The following PDE4B variants were observed in gnomAD, a reference collection of about 807,000 sequenced individuals.
PDE4B encodes 3',5'-cyclic-AMP phosphodiesterase 4B.
PDE4B carries 20 observed loss-of-function variants against 82.2 expected under a neutral mutation model. The ratio of observed to expected loss-of-function variants is 0.24; its 90% CI spans 0.17 to 0.35. The LOEUF is 0.35. Among genes scored for constraint, PDE4B ranks in the 10% least tolerant of loss-of-function variants. The pLI is 1.00. For missense variants in PDE4B, 655 were observed against 907.2 expected, an observed-to-expected ratio of 0.72 and a Z score of 3.57; for synonymous variants, 320 against 318.9, an observed-to-expected ratio of 1.00 and a Z score of -0.04.
At chr1:66,359,998 G>A (rs756982939) in intron 9 of PDE4B, among the ~76,000 whole-genome samples, 2 of 152,152 alleles carry the variant, frequency 1.3e-5, no homozygotes, top group African/African-American at 2.4e-5. Flanking sequence ...TCTGAAAAAT[G>A]AGAGTGTGGG....
At chr1:66,286,514 C>T (rs1051926561) in intron 7 of PDE4B, among the ~76,000 whole-genome samples, 14 of 152,040 alleles carry the variant, frequency 9.2e-5, no homozygotes, top group Non-Finnish European at 1.5e-4. Context: ...TTAATAAATC[C>T]ACATTCCCCA....
chr1:65,987,903 T>G (rs1374114525), intron 3 of PDE4B, among the ~76,000 whole-genome samples: 1 of 152,224 alleles, frequency 6.6e-6, no homozygotes, highest in Non-Finnish European at 1.5e-5. Context: ...TGTGAGCAAC[T>G]GTACCCGGAC....
intron 3 of PDE4B, among the ~76,000 whole-genome samples, chr1:66,211,426 G>A (rs988857313): frequency 6.6e-6 from 1 of 152,076 alleles, no homozygotes; most frequent in African/African-American, 2.4e-5. Flanking sequence ...AAGCAATAAG[G>A]ACTTTCACAG....
rs1385868375 is a variant in PDE4B, at chr1:66,373,691, T to C, written c.*1013T>C. 6.6e-6 allele frequency: 1 copy of C among 152,652 alleles called. No homozygotes were observed. Among genetic ancestry groups the C allele is most frequent in the Non-Finnish European group, 1.5e-5 (1 of 68,046 alleles). The allele number at this position is 152,652 out of a possible 1,614,324, so 9.5% of individuals were successfully genotyped here. ...AATGTAATGTTTTGTAAGTTATTAA[T>C]TTATATATCTAACATTGCCTGCCAA... On this transcript the variant is annotated 3_prime_UTR_variant, in exon 17 of 17. Transcript: ENST00000341517.
chr1:66,125,891 C>G (rs1179543771), intron 3 of PDE4B, among the ~76,000 whole-genome samples: 1 of 152,224 alleles, frequency 6.6e-6, no homozygotes, highest in Non-Finnish European at 1.5e-5. Context: ...ACTGCAACTT[C>G]TGCTTCCCAG....
At position 65,907,573 on chromosome 1, in the gene PDE4B, C is replaced by T. The variant is rs367748273; in HGVS notation, c.-70-5672C>T. 2.0e-4 allele frequency among the ~76,000 whole-genome samples: 30 copies of T among 152,208 alleles called. 1 individual carries two copies. The East Asian group carries it at 2.9e-3, about 15-fold the overall frequency. On this transcript the variant is annotated intron_variant, in intron 1 of 16. Coordinates refer to ENST00000341517, the MANE Select transcript of PDE4B (RefSeq NM_002600.4). ...CAGTTCATAGTACAGTACATGCTAGCACAAACCAGAAAACCTTCTTTTTCT... is the reference window on the plus strand; with the variant it reads ...CAGTTCATAGTACAGTACATGCTAGTACAAACCAGAAAACCTTCTTTTTCT...
rs191269700 is a variant in PDE4B at position 66,013,527 on chromosome 1, A to G, written c.281+94692A>G. Among the ~76,000 whole-genome samples the G allele has an allele frequency of 3.0e-3, 450 of 152,162 alleles. 3 individuals carry two copies. Among genetic ancestry groups the G allele is most frequent in the African/African-American group, 0.01 (423 of 41,524 alleles). ...AAAATTTACCATCTTCGCTATTTCT[A>G]GGTGTACAGTTCAGTAGTGTTACGT... On this transcript the variant is annotated intron_variant, in intron 3 of 16. Coordinates refer to ENST00000341517, the MANE Select transcript of PDE4B (RefSeq NM_002600.4).
chr1:66,098,390 A>C (rs1325396274), intron 3 of PDE4B, among the ~76,000 whole-genome samples: 1 of 152,154 alleles, frequency 6.6e-6, no homozygotes, highest in Non-Finnish European at 1.5e-5. Context: ...CTGGACGTTC[A>C]TTGAACTCAC....
intron 3 of PDE4B, among the ~76,000 whole-genome samples, chr1:66,184,804 T>C (rs910682974): frequency 2.0e-5 from 3 of 151,842 alleles, no homozygotes; most frequent in African/African-American, 4.8e-5. Flanking sequence ...AGTTTTTCTT[T>C]TTTTTTTTAA....
At chr1:66,222,428 G>A (rs986815723) in intron 3 of PDE4B, among the ~76,000 whole-genome samples, 6 of 152,198 alleles carry the variant, frequency 3.9e-5, no homozygotes, top group Non-Finnish European at 8.8e-5. Context: ...TCTAACAAAA[G>A]GGTTTGGTAA....
intron 7 of PDE4B, among the ~76,000 whole-genome samples, chr1:66,293,762 A>G (rs1657285121): frequency 6.6e-6 from 1 of 152,232 alleles, no homozygotes; most frequent in African/African-American, 2.4e-5. Flanking sequence ...TTCTCAGCCA[A>G]TAGACATACA....
rs1655098920 is a variant in PDE4B at position 66,266,996 on chromosome 1, G to A, written c.634+909G>A. ...TTAAAATCTTTCTCTCTTGGTTGTT[G>A]TGTTTTCTTTCTGGTATCCTGATCA... On this transcript the variant is annotated intron_variant, in intron 7 of 16. Transcript: ENST00000341517. 2.1e-5 allele frequency: 4 copies of A among 191,782 alleles called. No individual in the cohort carries two copies. In the South Asian group the frequency reaches 3.2e-4, roughly 15 times the overall value. 11.9% of individuals were successfully genotyped at this position (191,782 alleles called of 1,614,324 possible). A position where few individuals can be genotyped will look rare whatever the true frequency, so the allele number is the denominator to read the frequency against.
intron 3 of PDE4B, among the ~76,000 whole-genome samples, chr1:66,096,095 C>T (rs1645108291): frequency 6.6e-6 from 1 of 151,654 alleles, no homozygotes; most frequent in African/African-American, 2.4e-5. Context: ...TCCTACAGTG[C>T]TATAGAACAC....
chr1:66,108,576 A>C (rs1428578485), intron 3 of PDE4B, among the ~76,000 whole-genome samples: 1 of 152,010 alleles, frequency 6.6e-6, no homozygotes, highest in African/African-American at 2.4e-5. Context: ...CAAAATACAT[A>C]AGGAACTGAA....
intron 1 of PDE4B, among the ~76,000 whole-genome samples, chr1:65,833,084 A>C (rs2101303985): frequency 6.6e-6 from 1 of 152,326 alleles, no homozygotes; most frequent in South Asian, 2.1e-4. Context: ...GCTGTATTAA[A>C]CCATTTAGAT....
chr1:66,331,644 A>T, intron 7 of PDE4B: 1 of 545,228 alleles, frequency 1.8e-6, no homozygotes, highest in Non-Finnish European at 2.3e-6. Flanking sequence ...CCCCAGCTTT[A>T]ATCAAAATAA....
At chr1:66,259,423 A>G (rs187750114) in intron 6 of PDE4B, among the ~76,000 whole-genome samples, 23 of 152,290 alleles carry the variant, frequency 1.5e-4, no homozygotes, top group Admixed American at 3.3e-4. Context: ...TGTTCTCTGC[A>G]TACTCTCTTC....
intron 7 of PDE4B, among the ~76,000 whole-genome samples, chr1:66,291,046 G>T (rs191345668): frequency 6.6e-6 from 1 of 152,216 alleles, no homozygotes; most frequent in Non-Finnish European, 1.5e-5. Context: ...CCACTGCCAA[G>T]AGCTCATAAA....
intron 4 of PDE4B, among the ~76,000 whole-genome samples, chr1:66,252,038 T>C (rs1049217124): frequency 6.6e-6 from 1 of 152,054 alleles, no homozygotes; most frequent in Non-Finnish European, 1.5e-5. Context: ...ATGATATTCA[T>C]GTAAAAGAGG....
Sources: allele counts gnomAD v4.1 joint callset (sites outside exome capture counted in the v4.1 genomes callset), GRCh38; gene constraint gnomAD v4.1.1; transcripts MANE v1.5; gene names NCBI Gene and HGNC (gene_info 2026-07-23, HGNC 2026-07-21).